Variants in LZTS1 observed in about 807,000 individuals in gnomAD.
The protein encoded by LZTS1 is leucine zipper putative tumor suppressor 1.
In LZTS1, 31 loss-of-function variants were observed where a neutral mutation model predicts 45.8. That is an observed-to-expected ratio of 0.68 (90% CI 0.51 to 0.91). The LOEUF is 0.91. Ranked by LOEUF, LZTS1 falls within the 40% of genes least tolerant of loss-of-function variation. The probability of loss-of-function intolerance (pLI) is 0.00; values close to 1 mark genes in which losing one functional copy is unlikely to be tolerated. For synonymous variants in LZTS1, 359 were observed against 357.3 expected, an observed-to-expected ratio of 1.00 and a Z score of -0.05; for missense variants, 821 against 788.9, an observed-to-expected ratio of 1.04 and a Z score of -0.49.
At chr8:20,268,182 A>ACCCCCC (rs1800400120) in intron 1 of LZTS1, among the ~76,000 whole-genome samples, 2 of 19,644 alleles carry the variant, frequency 1.0e-4, no homozygotes, top group Admixed American at 4.0e-4. Context: ...CCCCACCCCC[A>ACCCCCC]CTCCCATCTC....
intron 1 of LZTS1, among the ~76,000 whole-genome samples, chr8:20,256,248 G>T (rs1005138453): frequency 1.3e-5 from 2 of 152,094 alleles, no homozygotes; most frequent in East Asian, 3.9e-4. Context: ...AATTAGCAAG[G>T]CTGGGAAGGA....
Position 20,253,575 on chromosome 8 carries a change from T to A in LZTS1, c.356A>T (p.Lys119Met). 6.9e-7 allele frequency: 1 copy of A among 1,456,192 alleles called. No individual in the cohort carries two copies. The highest frequency in any genetic ancestry group is 9.0e-7 in the Non-Finnish European group (1 of 1,106,204). 90.2% of individuals were successfully genotyped at this position (1,456,192 alleles called of 1,614,324 possible). A position where few individuals can be genotyped will look rare whatever the true frequency, so the allele number is the denominator to read the frequency against. ...FSNQLEMGSE[K>M]GAVRPTAFKP... The stretch of plus-strand genomic sequence containing the variant: ...GAAGGCTGTGGGCCTCACTGCACCC[T>A]TCTCGGAGCCCTGTAGAGGAAAAGG... The change falls in exon 3 of 4, where the codon AAG (lysine) becomes ATG (methionine). Residue 119 changes from lysine (K) to methionine (M), a missense_variant. Lys to Met is a moderately conservative substitution (Grantham distance 95). Coordinates refer to ENST00000381569, the MANE Select transcript of LZTS1 (RefSeq NM_021020.5).
In LZTS1 at chr8:20,250,175, C is replaced by T. The variant is rs373668156; in HGVS notation, c.1338G>A (p.Glu446=). ...LEGALRTKGL[E]LEVCENELQR... The stretch of plus-strand genomic sequence containing the variant: ...GCAGCTCATTCTCACAGACCTCCAG[C>T]TCCAGGCCCTTGGTGCGCAGGGCGC... Residue 446 remains glutamate, a synonymous_variant, in exon 4 of 4, where the codon GAG becomes GAA. Transcript: ENST00000381569. The T allele has an allele frequency of 6.8e-6, 11 of 1,610,958 alleles. No homozygotes were observed. In the African/African-American group the frequency reaches 1.3e-4, roughly 20 times the overall value.
At chr8:20,296,361 C>G (rs1800978912) in intron 1 of LZTS1, among the ~76,000 whole-genome samples, 1 of 152,220 alleles carries the variant, frequency 6.6e-6, no homozygotes, top group African/African-American at 2.4e-5. Context: ...TTGAGGGGCC[C>G]CAGTTCTTGT....
intron 1 of LZTS1, among the ~76,000 whole-genome samples, chr8:20,294,814 G>T (rs1800955210): frequency 6.6e-6 from 1 of 151,986 alleles, no homozygotes; most frequent in African/African-American, 2.4e-5. Context: ...GGGAGACAGA[G>T]GGGAGGGCAG....
chr8:20,263,567 C>T (rs991114578), intron 1 of LZTS1, among the ~76,000 whole-genome samples: 3 of 152,154 alleles, frequency 2.0e-5, no homozygotes, highest in African/African-American at 4.8e-5. Flanking sequence ...TTCACTTTAA[C>T]GACTCCCTGC....
In LZTS1 at chr8:20,254,784, T is replaced by C. The variant is rs558161159; in HGVS notation, c.345+53A>G. ...ACCCCCAGGCTCTCCACCCCCATTT[T>C]GCTTTCTCCTGCGTTTCCAACCCAC... is the stretch of plus-strand genomic sequence containing the variant. On this transcript the variant is annotated intron_variant, in intron 2 of 3. Transcript: ENST00000381569. The C allele has an allele frequency of 5.5e-6, 8 of 1,448,928 alleles. No individual in the cohort carries two copies. In the East Asian group the frequency reaches 1.9e-4, roughly 34 times the overall value. The allele number at this position is 1,448,928 out of a possible 1,614,324, so 89.8% of individuals were successfully genotyped here.
chr8:20,249,618 A>G lies in LZTS1; in HGVS notation c.*104T>C. 7.2e-7 allele frequency: 1 copy of G among 1,387,744 alleles called. No individual in the cohort carries two copies. The highest frequency in any genetic ancestry group is 9.7e-7 in the Non-Finnish European group (1 of 1,031,820). The allele number at this position is 1,387,744 out of a possible 1,614,324, so 86.0% of individuals were successfully genotyped here. ...GGGGTCCTGGGTCTGTGTCCCAGGG[A>G]GTGGCGTCTCTCAGAGGGGTCTGAA... is the stretch of plus-strand genomic sequence containing the variant. On this transcript the variant is annotated 3_prime_UTR_variant, in exon 4 of 4. Coordinates refer to ENST00000381569, the MANE Select transcript of LZTS1 (RefSeq NM_021020.5).
rs71222143 is a variant in LZTS1, at chr8:20,301,120, CAAAAAAA to C, written c.-135+2613_-135+2619del. Among the ~76,000 whole-genome samples, 968 of 107,114 alleles carry C rather than the reference CAAAAAAA, an allele frequency of 9.0e-3. 8 individuals are homozygous for C. Among genetic ancestry groups the C allele is most frequent in the South Asian group, 0.031 (90 of 2,858 alleles). 70.3% of individuals were successfully genotyped at this position (107,114 alleles called of 152,430 possible). ...TGGGCGACAGAGCAAGACTCCGTCT[CAAAAAAA>C]AAAAAAAAAAAAAAAAAAGTGGGAG... On this transcript the variant is annotated intron_variant, in intron 1 of 3. Coordinates refer to ENST00000381569, the MANE Select transcript of LZTS1 (RefSeq NM_021020.5).
rs774656548 is a variant in LZTS1 at position 20,250,359 on chromosome 8, C to A, written c.1154G>T (p.Cys385Phe). The A allele has an allele frequency of 8.1e-6, 13 of 1,595,572 alleles. No homozygotes were observed. Among genetic ancestry groups the A allele is most frequent in the Middle Eastern group, 1.7e-4 (1 of 5,926 alleles). Residue 385 changes from cysteine to phenylalanine, a missense_variant, in exon 4 of 4, where the codon TGC (cysteine) becomes TTC (phenylalanine). Cys to Phe is a radical substitution (Grantham distance 205). Transcript: ENST00000381569. ...GAGGGAGATCTCGCCTGACTTCTGG[C>A]ACACCTGCCGAGGGTGGGGTGGAGA... ...PALEETQWEV[C>F]QKSGEISLLK...
At chr8:20,291,254 G>A (rs1217544705) in intron 1 of LZTS1, among the ~76,000 whole-genome samples, 1 of 152,134 alleles carries the variant, frequency 6.6e-6, no homozygotes, top group Non-Finnish European at 1.5e-5. Flanking sequence ...AGGGTAAACA[G>A]ATAAGAGGGT....
chr8:20,260,822 A>G (rs960953129), intron 1 of LZTS1, among the ~76,000 whole-genome samples: 3 of 152,112 alleles, frequency 2.0e-5, no homozygotes, highest in African/African-American at 7.2e-5. Context: ...GAGCATTCCT[A>G]TCCCTTAGCC....
intron 1 of LZTS1, among the ~76,000 whole-genome samples, chr8:20,272,671 A>G (rs1177369236): frequency 1.3e-5 from 2 of 152,132 alleles, no homozygotes; most frequent in Non-Finnish European, 2.9e-5. Flanking sequence ...TAATACAGAG[A>G]TAAGTAGAAT....
chr8:20,284,165 G>A lies in LZTS1; in HGVS notation c.-135+19575C>T, dbSNP rs79535712. Among the ~76,000 whole-genome samples the A allele has an allele frequency of 4.7e-3, 723 of 152,216 alleles. 9 individuals carry two copies. The highest frequency in any genetic ancestry group is 0.016 in the African/African-American group (684 of 41,528). On this transcript the variant is annotated intron_variant, in intron 1 of 3. Transcript: ENST00000381569. ...TCTCCCCATGGGCAGCTTCATAACC[G>A]CTCTTTCCAACTGAGAGGCTCTGGC... is the stretch of plus-strand genomic sequence containing the variant.
chr8:20,253,600 G>A lies in LZTS1; in HGVS notation c.346-15C>T. The A allele has an allele frequency of 1.4e-6, 2 of 1,436,228 alleles. No individual in the cohort carries two copies. The highest frequency in any genetic ancestry group is 1.8e-6 in the Non-Finnish European group (2 of 1,096,600). 89.0% of individuals were successfully genotyped at this position (1,436,228 alleles called of 1,614,324 possible). ...TTCTCGGAGCCCTGTAGAGGAAAAGGACCGCGGTGACTCATGCCTCCCCTG... is the reference window on the plus strand; with the variant it reads ...TTCTCGGAGCCCTGTAGAGGAAAAGAACCGCGGTGACTCATGCCTCCCCTG... On this transcript the variant is annotated splice_polypyrimidine_tract_variant and intron_variant, in intron 2 of 3. Transcript: ENST00000381569.
Position 20,255,185 on chromosome 8 carries a change from G to A in LZTS1, c.-4C>T. ...TGAGGCTACTGACGCTGCCCATGGT[G>A]ACTCGGGGCTGAGGATGGGGCAGGG... On this transcript the variant is annotated 5_prime_UTR_variant, in exon 2 of 4. Coordinates refer to ENST00000381569, the MANE Select transcript of LZTS1 (RefSeq NM_021020.5). 6 of 1,608,496 alleles carry A rather than the reference G, an allele frequency of 3.7e-6. No homozygotes were observed. Among genetic ancestry groups the A allele is most frequent in the Non-Finnish European group, 5.1e-6 (6 of 1,177,194 alleles).
intron 1 of LZTS1, among the ~76,000 whole-genome samples, chr8:20,262,105 C>T (rs1800244833): frequency 6.6e-6 from 1 of 152,152 alleles, no homozygotes. Context: ...CCATCCATTC[C>T]CCCCCAGAAC....
At chr8:20,298,653 A>C (rs1224709594) in intron 1 of LZTS1, among the ~76,000 whole-genome samples, 1 of 152,160 alleles carries the variant, frequency 6.6e-6, no homozygotes, top group Non-Finnish European at 1.5e-5. Context: ...ACTTGAGGCC[A>C]GGGGTTCAAG....
chr8:20,275,404 CAAAA>C (rs55847914), intron 1 of LZTS1, among the ~76,000 whole-genome samples: 4 of 113,594 alleles, frequency 3.5e-5, no homozygotes, highest in African/African-American at 3.5e-5. Flanking sequence ...GACTTCATCT[CAAAA>C]AAAAAAAAAA....
Sources: allele counts gnomAD v4.1 joint callset (sites outside exome capture counted in the v4.1 genomes callset), GRCh38; gene constraint gnomAD v4.1.1; transcripts MANE v1.5; gene names NCBI Gene and HGNC (gene_info 2026-07-23, HGNC 2026-07-21).